OR4K17: variants seen among roughly 807,000 people sequenced by gnomAD.
OR4K17 encodes olfactory receptor 4K17.
For missense variants in OR4K17, 480 were observed against 366.3 expected (o/e 1.31, Z -2.53); for synonymous variants, 157 against 132.8 (o/e 1.18, Z -1.25).
At position 20,117,939 on chromosome 14, in the gene OR4K17, C is replaced by T; in HGVS notation, c.440C>T (p.Thr147Ile). 1 of 1,614,084 alleles carries T rather than the reference C, an allele frequency of 6.2e-7. No homozygotes were observed. Among genetic ancestry groups the T allele is most frequent in the Non-Finnish European group, 8.5e-7 (1 of 1,180,002 alleles). The change falls in exon 2 of 2, where the codon ACC becomes ATC. Residue 147 changes from threonine to isoleucine, a missense_variant. Coordinates refer to ENST00000641386, the MANE Select transcript of OR4K17 (RefSeq NM_001004715.5). ...AAGGTATGTGTTTTGCTTGTAGTGA[C>T]CTCATGGCTCTTGGGTCTCCTTCAC... ...NKKVCVLLVV[T>I]SWLLGLLHSG...
chr14:20,117,770 G>T lies in OR4K17; in HGVS notation c.271G>T (p.Val91Leu). The change falls in exon 2 of 2, where the codon GTA (valine) becomes TTA (leucine). Residue 91 changes from valine to leucine, a missense_variant. Physicochemically the swap from Val to Leu is conservative, Grantham distance 32 (BLOSUM62 1). Transcript: ENST00000641386. Reference protein sequence around the residue: ...VILNLLKKQKVISFAGCFTQI... With the variant: ...VILNLLKKQKLISFAGCFTQI... ...TCTGAACTTGTTAAAAAAGCAGAAGGTAATTTCTTTTGCTGGGTGCTTCAC... is the reference window on the plus strand; with the variant it reads ...TCTGAACTTGTTAAAAAAGCAGAAGTTAATTTCTTTTGCTGGGTGCTTCAC... 3 of 1,614,092 alleles carry T rather than the reference G, an allele frequency of 1.9e-6. No homozygotes were observed. Among genetic ancestry groups the T allele is most frequent in the Non-Finnish European group, 2.5e-6 (3 of 1,179,992 alleles).
At chr14:20,114,531 A>G (rs1034647955) in intron 1 of OR4K17, among the ~76,000 whole-genome samples, 7 of 152,210 alleles carry the variant, frequency 4.6e-5, no homozygotes, top group Admixed American at 3.3e-4. Context: ...ATATCAATAT[A>G]AAACGTATTT....
rs2139060916 is a variant in OR4K17, at chr14:20,121,377, T to C, written c.*2939T>C. ...ATCAAGCAAACAACAAACAAAAAAA[T>C]GGGGAAATTTGATGAAGAGATTGAA... is the stretch of plus-strand genomic sequence containing the variant. On this transcript the variant is annotated 3_prime_UTR_variant, in exon 2 of 2. Transcript: ENST00000641386. 6.6e-6 allele frequency: 1 copy of C among 152,022 alleles called. No homozygotes were observed. The highest frequency in any genetic ancestry group is 2.1e-4 in the South Asian group (1 of 4,820). 9.4% of individuals were successfully genotyped at this position (152,022 alleles called of 1,614,324 possible). A position where few individuals can be genotyped will look rare whatever the true frequency, so the allele number is the denominator to read the frequency against.
In OR4K17 at chr14:20,120,056, T is replaced by A. The variant is rs777875444; in HGVS notation, c.*1618T>A. 2.0e-5 allele frequency: 3 copies of A among 152,204 alleles called. No homozygotes were observed. The highest frequency in any genetic ancestry group is 4.4e-5 in the Non-Finnish European group (3 of 68,026). 9.4% of individuals were successfully genotyped at this position (152,204 alleles called of 1,614,324 possible). A position where few individuals can be genotyped will look rare whatever the true frequency, so the allele number is the denominator to read the frequency against. On this transcript the variant is annotated 3_prime_UTR_variant, in exon 2 of 2. Transcript: ENST00000641386. ...TTATAAAAGGTGTCAGAGACTCACT[T>A]GTCCTTCAGAGGAGCTTGATAGATA...
Position 20,117,875 on chromosome 14 carries a change from A to G in OR4K17, c.376A>G (p.Ile126Val), listed in dbSNP as rs776296838. The G allele has an allele frequency of 6.2e-7, 1 of 1,614,018 alleles. No homozygotes were observed. The part of the protein sequence containing the change: ...VSMAFDRYVA[I>V]CKPLHYMTIM... ...CATGGCTTTTGACAGATATGTGGCC[A>G]TTTGTAAGCCCCTACACTACATGAC... The change falls in exon 2 of 2, where the codon ATT (isoleucine) becomes GTT (valine). Residue 126 changes from isoleucine (I) to valine (V), a missense_variant. Coordinates refer to ENST00000641386, the MANE Select transcript of OR4K17 (RefSeq NM_001004715.5).
At chr14:20,117,109 G>A (rs149010612) in intron 1 of OR4K17, among the ~76,000 whole-genome samples, 2 of 152,248 alleles carry the variant, frequency 1.3e-5, no homozygotes, top group African/African-American at 2.4e-5. Flanking sequence ...AAGAGTAGAG[G>A]TTGTGCTGAA....
rs570974227 is a variant in OR4K17 at position 20,118,372 on chromosome 14, C to A, written c.873C>A (p.Asn291Lys). The A allele has an allele frequency of 2.5e-6, 4 of 1,610,006 alleles. No homozygotes were observed. In the African/African-American group the frequency reaches 5.3e-5, roughly 22 times the overall value. ...ILNPIIYTLR[N>K]KEMKISMKKL... ...ATCCAATTATCTATACTCTGAGAAACAAAGAAATGAAGATATCCATGAAAA... is the reference window on the plus strand; with the variant it reads ...ATCCAATTATCTATACTCTGAGAAAAAAAGAAATGAAGATATCCATGAAAA... The change falls in exon 2 of 2, where the codon AAC (asparagine) becomes AAA (lysine). Residue 291 changes from asparagine (N) to lysine (K), a missense_variant. Asn to Lys is a moderately conservative substitution (Grantham distance 94). Coordinates refer to ENST00000641386, the MANE Select transcript of OR4K17 (RefSeq NM_001004715.5).
In OR4K17 at chr14:20,120,838, G is replaced by A. The variant is rs1300813898; in HGVS notation, c.*2400G>A. 6.6e-6 allele frequency: 1 copy of A among 152,200 alleles called. No homozygotes were observed. The highest frequency in any genetic ancestry group is 1.5e-5 in the Non-Finnish European group (1 of 68,096). The allele number at this position is 152,200 out of a possible 1,614,324, so 9.4% of individuals were successfully genotyped here. ...CTCAAGCTGGACCCAGTGCCAAGAG[G>A]GATTCCTCCAGCCACAACATCCCCA... On this transcript the variant is annotated 3_prime_UTR_variant, in exon 2 of 2. Transcript: ENST00000641386.
At position 20,118,964 on chromosome 14, in the gene OR4K17, G is replaced by T. The variant is rs777979131; in HGVS notation, c.*526G>T. 2 of 154,272 alleles carry T rather than the reference G, an allele frequency of 1.3e-5. No individual in the cohort carries two copies. The highest frequency in any genetic ancestry group is 2.9e-5 in the Non-Finnish European group (2 of 69,646). The allele number at this position is 154,272 out of a possible 1,614,324, so 9.6% of individuals were successfully genotyped here. ...ATTTCCTCACCCTAATAGGCCTGGG[G>T]ACACTACAGGAGACTGGGGCTTATT... is the stretch of plus-strand genomic sequence containing the variant. On this transcript the variant is annotated 3_prime_UTR_variant, in exon 2 of 2. Coordinates refer to ENST00000641386, the MANE Select transcript of OR4K17 (RefSeq NM_001004715.5).
At position 20,120,638 on chromosome 14, in the gene OR4K17, A is replaced by G. The variant is rs899929833; in HGVS notation, c.*2200A>G. On this transcript the variant is annotated 3_prime_UTR_variant, in exon 2 of 2. Transcript: ENST00000641386. ...TATTTCAAAAGCACCTGCACCTTGC[A>G]TACCATTATAGTTTGGGCAGTGGAA... 1.3e-5 allele frequency: 2 copies of G among 152,296 alleles called. No homozygotes were observed. The highest frequency in any genetic ancestry group is 6.5e-5 in the Admixed American group (1 of 15,278). 9.4% of individuals were successfully genotyped at this position (152,296 alleles called of 1,614,324 possible).
At position 20,121,336 on chromosome 14, in the gene OR4K17, G is replaced by A. The variant is rs1878163680; in HGVS notation, c.*2898G>A. 1 of 152,058 alleles carries A rather than the reference G, an allele frequency of 6.6e-6. No individual in the cohort carries two copies. The highest frequency in any genetic ancestry group is 1.5e-5 in the Non-Finnish European group (1 of 68,010). The allele number at this position is 152,058 out of a possible 1,614,324, so 9.4% of individuals were successfully genotyped here. A position where few individuals can be genotyped will look rare whatever the true frequency, so the allele number is the denominator to read the frequency against. On this transcript the variant is annotated 3_prime_UTR_variant, in exon 2 of 2. Coordinates refer to ENST00000641386, the MANE Select transcript of OR4K17 (RefSeq NM_001004715.5). ...GCAGTAAAGTCCAAGAACATACAGGGAAATAATTCAACAAAATCAAGCAAA... is the reference window on the plus strand; with the variant it reads ...GCAGTAAAGTCCAAGAACATACAGGAAAATAATTCAACAAAATCAAGCAAA...
At chr14:20,116,894 C>T (rs954619400) in intron 1 of OR4K17, among the ~76,000 whole-genome samples, 3 of 152,140 alleles carry the variant, frequency 2.0e-5, no homozygotes, top group Non-Finnish European at 4.4e-5. Context: ...TAGAAGCCCA[C>T]TGGTGGAAGA....
rs922083600 is a variant in OR4K17 at position 20,117,389 on chromosome 14, A to G, written c.-32-79A>G. On this transcript the variant is annotated intron_variant, in intron 1 of 1. Coordinates refer to ENST00000641386, the MANE Select transcript of OR4K17 (RefSeq NM_001004715.5). ...TTTATTGAAAGATCCAAAGGAATGC[A>G]TAAGTTTGGTTTTTCATATGGCTCT... The G allele has an allele frequency of 8.4e-6, 13 of 1,540,718 alleles. No individual in the cohort carries two copies. The African/African-American group carries it at 9.7e-5, about 12-fold the overall frequency.
At chr14:20,115,066 C>T (rs941630718) in intron 1 of OR4K17, among the ~76,000 whole-genome samples, 3 of 151,976 alleles carry the variant, frequency 2.0e-5, no homozygotes, top group African/African-American at 7.2e-5. Flanking sequence ...CTTGCATAGT[C>T]TTGGGCATAT....
intron 1 of OR4K17, among the ~76,000 whole-genome samples, chr14:20,111,329 C>T (rs918189625): frequency 1.3e-5 from 2 of 151,954 alleles, no homozygotes; most frequent in African/African-American, 2.4e-5. Context: ...AGAGAATCAT[C>T]GACTGAGTCA....
At chr14:20,114,524 T>C in intron 1 of OR4K17, among the ~76,000 whole-genome samples, 1 of 152,206 alleles carries the variant, frequency 6.6e-6, no homozygotes, top group African/African-American at 2.4e-5. Context: ...CTATTTTATA[T>C]CAATATAAAA....
rs1031523764 is a variant in OR4K17 at position 20,117,576 on chromosome 14, T to C, written c.77T>C (p.Leu26Pro). Reference protein sequence around the residue: ...GLTSSQDVEFLLFALFSVIYV... With the variant: ...GLTSSQDVEFPLFALFSVIYV... ...ACCAGCTCCCAGGATGTAGAGTTTC[T>C]TCTCTTTGCCCTCTTCTCGGTTATC... The change falls in exon 2 of 2, where the codon CTT (leucine) becomes CCT (proline). Residue 26 changes from leucine to proline, a missense_variant. Leu to Pro is a moderately conservative substitution (Grantham distance 98). Coordinates refer to ENST00000641386, the MANE Select transcript of OR4K17 (RefSeq NM_001004715.5). 5 of 1,613,920 alleles carry C rather than the reference T, an allele frequency of 3.1e-6. No individual in the cohort carries two copies. The highest frequency in any genetic ancestry group is 2.7e-5 in the African/African-American group (2 of 74,894).
Position 20,117,824 on chromosome 14 carries a change from G to A in OR4K17, c.325G>A (p.Gly109Arg), listed in dbSNP as rs758925333. The part of the protein sequence containing the change: ...TQIFLLHLLG[G>R]VEMVLLVSMA... ...GATATTTCTCCTTCACTTACTGGGT[G>A]GGGTTGAAATGGTACTGTTGGTCTC... Residue 109 changes from glycine to arginine, a missense_variant, in exon 2 of 2, where the codon GGG becomes AGG. Transcript: ENST00000641386. 9.3e-6 allele frequency: 15 copies of A among 1,613,968 alleles called. No individual in the cohort carries two copies. Among genetic ancestry groups the A allele is most frequent in the East Asian group, 2.2e-5 (1 of 44,888 alleles).
intron 1 of OR4K17, among the ~76,000 whole-genome samples, chr14:20,113,304 C>T (rs1877920386): frequency 6.6e-6 from 1 of 151,946 alleles, no homozygotes; most frequent in African/African-American, 2.4e-5. Flanking sequence ...CCTATTTATT[C>T]TAATAATTGT....
Sources: gnomAD v4.1 joint callset for allele counts (sites outside exome capture counted in the v4.1 genomes callset) on GRCh38, gnomAD v4.1.1 for gene constraint, MANE v1.5 for transcripts, NCBI Gene and HGNC (gene_info 2026-07-23, HGNC 2026-07-21) for gene names.